Variants in RABGGTB observed in about 807,000 individuals in gnomAD.
RABGGTB encodes the protein geranylgeranyl transferase type-2 subunit beta.
A neutral mutation model predicts 44.5 loss-of-function variants in RABGGTB; 20 were observed. That is an observed-to-expected ratio of 0.45 (90% CI 0.32 to 0.65). The LOEUF (loss-of-function observed/expected upper bound fraction) is 0.65, where lower values mean the gene tolerates loss of function less well. RABGGTB is among the 30% of genes least tolerant of loss of function. The probability of loss-of-function intolerance (pLI) is 0.05; values close to 1 mark genes in which losing one functional copy is unlikely to be tolerated. For synonymous variants in RABGGTB, 128 were observed against 136.7 expected, an observed-to-expected ratio of 0.94 and a Z score of 0.44; for missense variants, 302 against 398.7, an observed-to-expected ratio of 0.76 and a Z score of 2.06.
intron 7 of RABGGTB, 40 bp downstream of exon 7, chr1:75,792,346 TTGAG>T (rs1291413009): frequency 8.8e-6 from 14 of 1,598,710 alleles, no homozygotes; most frequent in African/African-American, 1.3e-5. Flanking sequence ...CTTTAGAACC[TTGAG>T]TGAATGCTGC....
At position 75,789,215 on chromosome 1, in the gene RABGGTB, AATGGATCTC is replaced by A. The variant is rs1343166823; in HGVS notation, c.173_181del (p.Asp58_Met60del). 1 of 1,613,972 alleles carries A rather than the reference AATGGATCTC, an allele frequency of 6.2e-7. No individual in the cohort carries two copies. Among genetic ancestry groups the A allele is most frequent in the Non-Finnish European group, 8.5e-7 (1 of 1,179,970 alleles). ...GTGGCATCTATTGGGGTCTGACAGT[AATGGATCTC>A]ATGGGACAACTTCATCGCATGAATA... On this transcript the variant is annotated inframe_deletion, in exon 3 of 9. Coordinates refer to ENST00000319942, the MANE Select transcript of RABGGTB (RefSeq NM_004582.4).
At chr1:75,788,325 C>G (rs1649551072) in intron 2 of RABGGTB, 1 of 166,860 alleles carries the variant, frequency 6.0e-6, no homozygotes, top group African/African-American at 2.4e-5. Context: ...CTTTTGAGAG[C>G]TATAACCTCA....
intron 7 of RABGGTB, 105 bp from the exon 8 acceptor site, chr1:75,793,979 T>G: frequency 2.6e-6 from 3 of 1,165,410 alleles, no homozygotes; most frequent in Non-Finnish European, 3.5e-6. Flanking sequence ...TTTGACACTT[T>G]GAACATCAGA....
chr1:75,788,308 T>G (rs1649550928), intron 2 of RABGGTB: 1 of 169,082 alleles, frequency 5.9e-6, no homozygotes, highest in African/African-American at 2.4e-5. Flanking sequence ...AAAAACTTCT[T>G]TTTTTCCTTT....
chr1:75,786,906 G>A, intron 1 of RABGGTB: 1 of 336,506 alleles, frequency 3.0e-6, no homozygotes, highest in South Asian at 2.3e-5. Context: ...GAATTCGCTT[G>A]CAAGTTAAGG....
intron 7 of RABGGTB, 199 bp from the exon 8 acceptor site, chr1:75,793,885 C>A: frequency 2.0e-6 from 1 of 500,368 alleles, no homozygotes; most frequent in Non-Finnish European, 3.4e-6. Context: ...CTCTTCTTAC[C>A]CATTAATTGA....
chr1:75,790,713 C>CT (rs1649625923), intron 4 of RABGGTB, among the ~76,000 whole-genome samples: 1 of 152,106 alleles, frequency 6.6e-6, no homozygotes, highest in Non-Finnish European at 1.5e-5. Context: ...CTGGAGAGCT[C>CT]TGTTGCCCAG....
chr1:75,793,663 C>T (rs1649700893), intron 7 of RABGGTB: 2 of 154,690 alleles, frequency 1.3e-5, no homozygotes, highest in Middle Eastern at 3.3e-3. Context: ...TTTTGAAGAG[C>T]AAGGGTTTAG....
chr1:75,792,055 G>C, intron 6 of RABGGTB, 126 bp from the exon 7 acceptor site: 1 of 807,934 alleles, frequency 1.2e-6, no homozygotes, highest in East Asian at 2.8e-5. Context: ...ATACATGTTT[G>C]GAATTTTAAG....
Position 75,789,635 on chromosome 1 carries a change from A to G in RABGGTB, c.309+279A>G, listed in dbSNP as rs1649598003. ...TTGATTTTGATATTAGTGAACATCTACCTGGTGGTTTAAAGTCTTTCTGGT... is the reference window on the plus strand; with the variant it reads ...TTGATTTTGATATTAGTGAACATCTGCCTGGTGGTTTAAAGTCTTTCTGGT... On this transcript the variant is annotated intron_variant, in intron 3 of 8. Coordinates refer to ENST00000319942, the MANE Select transcript of RABGGTB (RefSeq NM_004582.4). The G allele has an allele frequency of 1.9e-5, 12 of 631,202 alleles. No individual in the cohort carries two copies. In the South Asian group the frequency reaches 2.0e-4, roughly 11 times the overall value. 39.1% of individuals were successfully genotyped at this position (631,202 alleles called of 1,614,324 possible).
In RABGGTB at chr1:75,789,199, A is replaced by G. The variant is rs533455235; in HGVS notation, c.152A>G (p.Tyr51Cys). Residue 51 changes from tyrosine (Y) to cysteine (C), a missense_variant, in exon 3 of 9, where the codon TAT becomes TGT. By Grantham distance (194) the Tyr-to-Cys change is radical (BLOSUM62 -2). Coordinates refer to ENST00000319942, the MANE Select transcript of RABGGTB (RefSeq NM_004582.4). ...GAGTATTTGAGAATGAGTGGCATCTATTGGGGTCTGACAGTAATGGATCTC... is the reference window on the plus strand; with the variant it reads ...GAGTATTTGAGAATGAGTGGCATCTGTTGGGGTCTGACAGTAATGGATCTC... ...MSEYLRMSGIYWGLTVMDLMG... is the reference protein window; with the variant it reads ...MSEYLRMSGICWGLTVMDLMG... The G allele has an allele frequency of 6.2e-7, 1 of 1,614,002 alleles. No homozygotes were observed. Among genetic ancestry groups the G allele is most frequent in the Non-Finnish European group, 8.5e-7 (1 of 1,179,894 alleles).
chr1:75,789,855 A>G, intron 3 of RABGGTB, 97 bp from the exon 4 acceptor site: 1 of 879,132 alleles, frequency 1.1e-6, no homozygotes, highest in Non-Finnish European at 1.8e-6. Flanking sequence ...ATACACAGAG[A>G]CAAAAGGATG....
At chr1:75,791,008 T>G (rs1001374931) in intron 4 of RABGGTB, among the ~76,000 whole-genome samples, 5 of 152,312 alleles carry the variant, frequency 3.3e-5, no homozygotes, top group Admixed American at 3.3e-4. Context: ...TCGGCTAGTC[T>G]CAAACTCCTA....
Position 75,787,499 on chromosome 1 carries a change from C to T in RABGGTB, c.6C>T (p.Gly2=), listed in dbSNP as rs1284603836. 6.2e-7 allele frequency: 1 copy of T among 1,611,490 alleles called. No homozygotes were observed. Among genetic ancestry groups the T allele is most frequent in the South Asian group, 1.1e-5 (1 of 91,012 alleles). ...AGATTACCACTTTATTTTGAAAGGGCACTCCACAGAAGGATGTTATTATCA... is the reference window on the plus strand; with the variant it reads ...AGATTACCACTTTATTTTGAAAGGGTACTCCACAGAAGGATGTTATTATCA... M[G]TPQKDVIIKS... is the part of the protein sequence containing the mutation. Residue 2 remains glycine, a splice_region_variant and synonymous_variant, in exon 2 of 9, where the codon GGC becomes GGT. Coordinates refer to ENST00000319942, the MANE Select transcript of RABGGTB (RefSeq NM_004582.4).
chr1:75,792,513 C>T (rs55764969), intron 7 of RABGGTB, among the ~76,000 whole-genome samples: 6,171 of 152,254 alleles, frequency 0.041, 148 homozygotes, highest in African/African-American at 0.043. Flanking sequence ...TCCTAATGTC[C>T]ATTTCCAGAC....
chr1:75,793,937 A>G (rs1005084248), intron 7 of RABGGTB, 147 bp from the exon 8 acceptor site: 63 of 690,382 alleles, frequency 9.1e-5, no homozygotes, highest in Middle Eastern at 4.5e-4. Flanking sequence ...CCTGCATATC[A>G]GTATATCCCT....
chr1:75,794,386 C>G, intron 8 of RABGGTB, 124 bp from the exon 9 acceptor site: 1 of 1,309,508 alleles, frequency 7.6e-7, no homozygotes, highest in East Asian at 2.4e-5. Flanking sequence ...ATAGAACAAT[C>G]TTACAGAAAT....
At chr1:75,790,095 A>G in intron 4 of RABGGTB, 38 bp downstream of exon 4, 1 of 1,606,742 alleles carries the variant, frequency 6.2e-7, no homozygotes, top group Non-Finnish European at 8.5e-7. Flanking sequence ...CAAAATACCA[A>G]TATTAAAATG....
chr1:75,794,242 T>C lies in RABGGTB; in HGVS notation c.855+9T>C, dbSNP rs79193513. On this transcript the variant is annotated intron_variant, in intron 8 of 8. Coordinates refer to ENST00000319942, the MANE Select transcript of RABGGTB (RefSeq NM_004582.4). ...ACAGGCCAGGAGATATGGCAAGTAA[T>C]ATTTCTGACATATTTCTATAAATTA... The C allele has an allele frequency of 1.7e-3, 2,637 of 1,591,898 alleles. 33 individuals are homozygous for C. In the African/African-American group the frequency reaches 0.033, roughly 20 times the overall value.
Sources: allele counts gnomAD v4.1 joint callset (sites outside exome capture counted in the v4.1 genomes callset), GRCh38; gene constraint gnomAD v4.1.1; transcripts MANE v1.5; gene names NCBI Gene and HGNC (gene_info 2026-07-23, HGNC 2026-07-21).